ZNF266: variants seen among roughly 807,000 people sequenced by gnomAD.
ZNF266 encodes the protein zinc finger protein 266, also known as zinc finger protein 1.
A neutral mutation model predicts 16.4 loss-of-function variants in ZNF266; 16 were observed. That is an observed-to-expected ratio of 0.98 (90% CI 0.66 to 1.48). The LOEUF is 1.48. Among genes scored for constraint, ZNF266 ranks in the 40% most tolerant of loss-of-function variants. The probability of loss-of-function intolerance (pLI) is 0.00; values close to 1 mark genes in which losing one functional copy is unlikely to be tolerated. For missense variants in ZNF266, 738 were observed against 689.1 expected (o/e 1.07, Z -0.79); for synonymous variants, 262 against 237.9 (o/e 1.10, Z -0.93).
Position 9,413,834 on chromosome 19 carries a change from T to C in ZNF266, c.1292A>G (p.Asn431Ser). Reference sequence around the variant, plus strand: ...TCGTGCATGCTTAGTAAGGTCTGAGTTCTGAGTGAAGGCTTTCCCACAATC... The same window carrying C: ...TCGTGCATGCTTAGTAAGGTCTGAGCTCTGAGTGAAGGCTTTCCCACAATC... Reference protein sequence around the residue: ...CKDCGKAFTQNSDLTKHARTH... With the variant: ...CKDCGKAFTQSSDLTKHARTH... The change falls in exon 11 of 11, where the codon AAC becomes AGC. Residue 431 changes from asparagine (N) to serine (S), a missense_variant. By Grantham distance (46) the Asn-to-Ser change is conservative. Coordinates refer to ENST00000592904, the MANE Select transcript of ZNF266 (RefSeq NM_001370374.1). 6.2e-7 allele frequency: 1 copy of C among 1,614,048 alleles called. No homozygotes were observed. The highest frequency in any genetic ancestry group is 8.5e-7 in the Non-Finnish European group (1 of 1,179,984).
intron 5 of ZNF266, among the ~76,000 whole-genome samples, chr19:9,426,914 A>G (rs1310280672): frequency 6.6e-6 from 1 of 152,232 alleles, no homozygotes; most frequent in Non-Finnish European, 1.5e-5. Flanking sequence ...AAAATATTCC[A>G]TATTAGGTAT....
At chr19:9,423,430 CAG>C (rs895914279) in intron 5 of ZNF266, among the ~76,000 whole-genome samples, 19 of 152,350 alleles carry the variant, frequency 1.2e-4, no homozygotes, top group Admixed American at 9.8e-4. Context: ...CTCCACACAA[CAG>C]AGTTTCTAAA....
rs2068488401 is a variant in ZNF266, at chr19:9,413,328, T to C, written c.1798A>G (p.Ser600Gly). ...CTTCTTTCATGATTTCGAAAGGAAC[T>C]GGAAGAACTGAAGGCTTTCCCGCAC... ...KECGKAFSSS[S>G]SFRNHERRHA... Residue 600 changes from serine to glycine, a missense_variant, in exon 11 of 11, where the codon AGT becomes GGT. Transcript: ENST00000592904. The C allele has an allele frequency of 6.2e-7, 1 of 1,610,092 alleles. No homozygotes were observed. The highest frequency in any genetic ancestry group is 1.3e-5 in the African/African-American group (1 of 74,750).
chr19:9,414,716 C>G lies in ZNF266; in HGVS notation c.410G>C (p.Gly137Ala). 6.4e-7 allele frequency: 1 copy of G among 1,557,998 alleles called. No individual in the cohort carries two copies. The highest frequency in any genetic ancestry group is 8.7e-7 in the Non-Finnish European group (1 of 1,147,846). Residue 137 changes from glycine to alanine, a missense_variant, in exon 11 of 11, where the codon GGA becomes GCA. By Grantham distance (60) the Gly-to-Ala change is moderately conservative. Coordinates refer to ENST00000592904, the MANE Select transcript of ZNF266 (RefSeq NM_001370374.1). The part of the protein sequence containing the change: ...EPTSSGIQMI[G>A]SHNGGEVSDV... The stretch of plus-strand genomic sequence containing the variant: ...ACTGACCTCCCCTCCGTTGTGGCTT[C>G]CTATCTGTTGATAAAGGAATGAATG...
At chr19:9,434,601 T>C (rs2072168841) in intron 3 of ZNF266, among the ~76,000 whole-genome samples, 197 bp downstream of exon 3, 1 of 152,170 alleles carries the variant, frequency 6.6e-6, no homozygotes, top group Non-Finnish European at 1.5e-5. Flanking sequence ...GGATACGTAA[T>C]AGATCCCAAA....
chr19:9,414,492 C>T lies in ZNF266; in HGVS notation c.634G>A (p.Val212Ile), dbSNP rs952603357. The change falls in exon 11 of 11, where the codon GTT becomes ATT. Residue 212 changes from valine to isoleucine, a missense_variant. By Grantham distance (29) the Val-to-Ile change is conservative. Transcript: ENST00000592904. ...GKAFSLNPDV[V>I]CQRTCTGEKA... The stretch of plus-strand genomic sequence containing the variant: ...TCTCCTGTGCACGTTCTCTGGCAAA[C>T]AACATCTGGGTTCAGGCTGAAGGCT... The T allele has an allele frequency of 6.2e-7, 1 of 1,614,094 alleles. No homozygotes were observed. The highest frequency in any genetic ancestry group is 1.3e-5 in the African/African-American group (1 of 74,950).
chr19:9,413,225 T>C lies in ZNF266; in HGVS notation c.*50A>G, dbSNP rs752100862. 3.3e-6 allele frequency: 5 copies of C among 1,523,572 alleles called. No homozygotes were observed. The highest frequency in any genetic ancestry group is 4.5e-5 in the East Asian group (2 of 44,174). The allele number at this position is 1,523,572 out of a possible 1,614,324, so 94.4% of individuals were successfully genotyped here. On this transcript the variant is annotated 3_prime_UTR_variant, in exon 11 of 11. Coordinates refer to ENST00000592904, the MANE Select transcript of ZNF266 (RefSeq NM_001370374.1). ...TTCATAGGGTTTCTCCCCAGTGAGTTTTCATGTCTTCAGAGAGAACAGGGA... is the reference window on the plus strand; with the variant it reads ...TTCATAGGGTTTCTCCCCAGTGAGTCTTCATGTCTTCAGAGAGAACAGGGA...
intron 5 of ZNF266, among the ~76,000 whole-genome samples, chr19:9,430,969 A>G (rs1199834872): frequency 2.0e-5 from 3 of 152,166 alleles, no homozygotes; most frequent in African/African-American, 7.2e-5. Flanking sequence ...TCTGTAAGGA[A>G]TAAAATGCTT....
At chr19:9,425,489 G>T (rs775470935) in intron 5 of ZNF266, among the ~76,000 whole-genome samples, 3 of 152,212 alleles carry the variant, frequency 2.0e-5, no homozygotes, top group Non-Finnish European at 4.4e-5. Context: ...AGACCCCCTA[G>T]ACCAAAACAG....
Position 9,414,507 on chromosome 19 carries a change from G to C in ZNF266, c.619C>G (p.Leu207Val), listed in dbSNP as rs764295281. The part of the protein sequence containing the change: ...VFSQCGKAFS[L>V]NPDVVCQRTC... ...CTCTGGCAAACAACATCTGGGTTCA[G>C]GCTGAAGGCTTTTCCACACTGACTA... The change falls in exon 11 of 11, where the codon CTG becomes GTG. Residue 207 changes from leucine to valine, a missense_variant. Leu to Val is a conservative substitution (Grantham distance 32, BLOSUM62 1). Transcript: ENST00000592904. The C allele has an allele frequency of 6.2e-6, 10 of 1,614,064 alleles. No homozygotes were observed. The highest frequency in any genetic ancestry group is 2.7e-5 in the African/African-American group (2 of 74,926).
In ZNF266 at chr19:9,413,689, T is replaced by C. The variant is rs1316612703; in HGVS notation, c.1437A>G (p.Lys479=). Residue 479 remains lysine (K), a synonymous_variant, in exon 11 of 11, where the codon AAA becomes AAG. Transcript: ENST00000592904. ...HTGEKPFECV[K]CGKAFAISSN... ...AAGAAATAGCAAAGGCTTTCCCACA[T>C]TTGACACATTCAAAAGGCTTCTCTC... 6.2e-7 allele frequency: 1 copy of C among 1,613,806 alleles called. No homozygotes were observed. The highest frequency in any genetic ancestry group is 1.7e-5 in the Admixed American group (1 of 59,982).
intron 5 of ZNF266, among the ~76,000 whole-genome samples, chr19:9,427,808 C>T (rs976540213): frequency 6.6e-6 from 1 of 152,130 alleles, no homozygotes; most frequent in Non-Finnish European, 1.5e-5. Flanking sequence ...ATGCACCGCA[C>T]CGATAACAGC....
chr19:9,420,874 T>C (rs1005151577), intron 5 of ZNF266: 3 of 152,094 alleles, frequency 2.0e-5, no homozygotes, highest in Non-Finnish European at 2.9e-5. Context: ...ACAGGCAATT[T>C]TGTCCCTGAC....
intron 5 of ZNF266, among the ~76,000 whole-genome samples, chr19:9,424,164 G>T (rs2070353884): frequency 6.8e-6 from 1 of 147,458 alleles, no homozygotes; most frequent in African/African-American, 2.5e-5. Context: ...TAATGCATTG[G>T]AACAGGAGAC....
intron 6 of ZNF266, chr19:9,419,842 A>G (rs2069580149): frequency 6.6e-6 from 1 of 151,986 alleles, no homozygotes. Context: ...CAGAGGTGGC[A>G]ATGAGCTGAG....
intron 5 of ZNF266, among the ~76,000 whole-genome samples, chr19:9,428,722 A>T (rs1275359050): frequency 6.6e-6 from 1 of 151,586 alleles, no homozygotes; most frequent in African/African-American, 2.4e-5. Context: ...GTGGGAAAAA[A>T]AAAAAAAAAA....
At chr19:9,423,321 C>A (rs2070213031) in intron 5 of ZNF266, among the ~76,000 whole-genome samples, 2 of 152,204 alleles carry the variant, frequency 1.3e-5, no homozygotes, top group Admixed American at 6.5e-5. Context: ...CCCACCAGAA[C>A]AGACTCACGT....
intron 5 of ZNF266, among the ~76,000 whole-genome samples, chr19:9,432,399 A>G (rs1001527681): frequency 6.6e-6 from 1 of 152,214 alleles, no homozygotes; most frequent in Non-Finnish European, 1.5e-5. Context: ...GCACATCCTC[A>G]GCAACTTTAT....
chr19:9,413,695 A>G lies in ZNF266; in HGVS notation c.1431T>C (p.Cys477=), dbSNP rs1364076132. 1 of 1,614,042 alleles carries G rather than the reference A, an allele frequency of 6.2e-7. No homozygotes were observed. The highest frequency in any genetic ancestry group is 8.5e-7 in the Non-Finnish European group (1 of 1,180,034). Residue 477 remains cysteine (C), a synonymous_variant, in exon 11 of 11, where the codon TGT becomes TGC. Coordinates refer to ENST00000592904, the MANE Select transcript of ZNF266 (RefSeq NM_001370374.1). ...TAGCAAAGGCTTTCCCACATTTGAC[A>G]CATTCAAAAGGCTTCTCTCCAGTGT... ...RTHTGEKPFE[C]VKCGKAFAIS...
Sources: allele counts gnomAD v4.1 joint callset (sites outside exome capture counted in the v4.1 genomes callset), GRCh38; gene constraint gnomAD v4.1.1; transcripts MANE v1.5; gene names NCBI Gene and HGNC (gene_info 2026-07-23, HGNC 2026-07-21).